The following TFAP2D variants were observed in gnomAD, a reference collection of about 807,000 sequenced individuals.
The protein encoded by TFAP2D is transcription factor AP-2 delta, also known as transcription factor AP-2-delta.
A neutral mutation model predicts 43.6 loss-of-function variants in TFAP2D; 9 were observed. The observed-to-expected ratio is 0.21, with a 90% confidence interval of 0.12 to 0.36. TFAP2D has a LOEUF of 0.36. Ranked by LOEUF, TFAP2D falls within the 10% of genes least tolerant of loss-of-function variation. TFAP2D has a pLI of 1.00. For synonymous variants in TFAP2D, 256 were observed against 224.9 expected, an observed-to-expected ratio of 1.14 and a Z score of -1.24; for missense variants, 513 against 561.4, an observed-to-expected ratio of 0.91 and a Z score of 0.87.
intron 7 of TFAP2D, among the ~76,000 whole-genome samples, chr6:50,761,328 T>A (rs1769360775): frequency 1.3e-5 from 2 of 151,908 alleles, no homozygotes; most frequent in Admixed American, 6.6e-5. Flanking sequence ...ATTGCTTAAA[T>A]GATGATGGCA....
chr6:50,727,081 T>C (rs897067340), intron 3 of TFAP2D, among the ~76,000 whole-genome samples: 1 of 152,314 alleles, frequency 6.6e-6, no homozygotes, highest in African/African-American at 2.4e-5. Flanking sequence ...ACCTAACTTC[T>C]AGCCTGAAGA....
At chr6:50,761,008 G>C (rs1443292502) in intron 7 of TFAP2D, among the ~76,000 whole-genome samples, 1 of 150,720 alleles carries the variant, frequency 6.6e-6, no homozygotes, top group Non-Finnish European at 1.5e-5. Flanking sequence ...CTAAGCCTGT[G>C]GTAACTGAAT....
At chr6:50,752,877 G>A (rs180828030) in intron 7 of TFAP2D, among the ~76,000 whole-genome samples, 9 of 151,784 alleles carry the variant, frequency 5.9e-5, no homozygotes, top group Admixed American at 4.6e-4. Flanking sequence ...GGGTTGTTTG[G>A]GGTAACTTAC....
intron 3 of TFAP2D, among the ~76,000 whole-genome samples, chr6:50,719,614 G>A (rs1185170782): frequency 1.3e-5 from 2 of 152,352 alleles, no homozygotes; most frequent in South Asian, 2.1e-4. Flanking sequence ...AGATGATGGT[G>A]TTAGCTTCAG....
At chr6:50,757,711 A>T (rs1284612279) in intron 7 of TFAP2D, among the ~76,000 whole-genome samples, 1 of 87,396 alleles carries the variant, frequency 1.1e-5, no homozygotes, top group Non-Finnish European at 2.0e-5. Context: ...CTATATATAT[A>T]GAATATATAT....
intron 7 of TFAP2D, among the ~76,000 whole-genome samples, chr6:50,770,454 C>T (rs1029419274): frequency 6.6e-6 from 1 of 151,808 alleles, no homozygotes; most frequent in African/African-American, 2.4e-5. Context: ...ATGATGGAGG[C>T]TCAGGGAAGA....
At chr6:50,751,165 G>T in intron 6 of TFAP2D, 46 bp from the exon 7 acceptor site, 2 of 1,321,544 alleles carry the variant, frequency 1.5e-6, no homozygotes, top group Non-Finnish European at 2.2e-6. Context: ...TGAAATTAAA[G>T]CTCAATTTGA....
At chr6:50,755,350 C>G (rs193206411) in intron 7 of TFAP2D, among the ~76,000 whole-genome samples, 1 of 151,108 alleles carries the variant, frequency 6.6e-6, no homozygotes, top group African/African-American at 2.4e-5. Context: ...CAGCTTGTTG[C>G]TTAGCCTTGA....
Position 50,769,082 on chromosome 6 carries a change from A to G in TFAP2D, c.1140-3563A>G, listed in dbSNP as rs550572198. On this transcript the variant is annotated intron_variant, in intron 7 of 7. Coordinates refer to ENST00000008391, the MANE Select transcript of TFAP2D (RefSeq NM_172238.4). ...AATTTTTTTTTTGTATTTTTAGTAGAGACAGGGTTTCACCAGTTGCTCAGG... is the reference window on the plus strand; with the variant it reads ...AATTTTTTTTTTGTATTTTTAGTAGGGACAGGGTTTCACCAGTTGCTCAGG... Among the ~76,000 whole-genome samples, 144 of 151,892 alleles carry G rather than the reference A, an allele frequency of 9.5e-4. 1 individual carries two copies. The highest frequency in any genetic ancestry group is 1.3e-3 in the Non-Finnish European group (85 of 67,930).
chr6:50,770,742 C>T (rs184564800), intron 7 of TFAP2D, among the ~76,000 whole-genome samples: 8 of 152,076 alleles, frequency 5.3e-5, no homozygotes, highest in Non-Finnish European at 1.2e-4. Flanking sequence ...GATTATGTAA[C>T]TTAAGAAAGA....
In TFAP2D at chr6:50,751,861, T is replaced by C. The variant is rs183248895; in HGVS notation, c.1139+537T>C. ...ATCAAATTGAGAGAATAACAATGCA[T>C]GAAGCATTTTAGATTGGAAAATTTT... On this transcript the variant is annotated intron_variant, in intron 7 of 7. Transcript: ENST00000008391. Among the ~76,000 whole-genome samples the C allele has an allele frequency of 1.6e-3, 239 of 152,090 alleles. 2 individuals carry two copies. Among genetic ancestry groups the C allele is most frequent in the African/African-American group, 5.4e-3 (225 of 41,546 alleles).
chr6:50,750,455 A>T (rs147095257), intron 6 of TFAP2D, among the ~76,000 whole-genome samples: 32 of 152,116 alleles, frequency 2.1e-4, no homozygotes, highest in African/African-American at 7.7e-4. Context: ...ATACAAAAAC[A>T]AAAACAATAT....
In TFAP2D at chr6:50,731,449, TACAC is replaced by T. The variant is rs35052459; in HGVS notation, c.883+2159_883+2162del. 1.0e-3 allele frequency among the ~76,000 whole-genome samples: 150 copies of T among 149,302 alleles called. 1 individual carries two copies. The highest frequency in any genetic ancestry group is 1.4e-3 in the Non-Finnish European group (97 of 67,076). ...AGTAAGACCCTCAAACCCACTTTCATACACACACACACACACACACACACATTGA... is the reference window on the plus strand; with the variant it reads ...AGTAAGACCCTCAAACCCACTTTCATACACACACACACACACACACATTGA... On this transcript the variant is annotated intron_variant, in intron 5 of 7. Transcript: ENST00000008391.
intron 7 of TFAP2D, 132 bp downstream of exon 7, chr6:50,751,456 A>C: frequency 1.6e-6 from 1 of 611,002 alleles, no homozygotes; most frequent in South Asian, 2.1e-5. Flanking sequence ...ATGGGCTATA[A>C]CAAAATACCT....
At chr6:50,736,198 T>C (rs753178175) in intron 5 of TFAP2D, among the ~76,000 whole-genome samples, 13 of 152,186 alleles carry the variant, frequency 8.5e-5, no homozygotes, top group Non-Finnish European at 1.9e-4. Context: ...TAAAAGTATA[T>C]TTGATATGAA....
intron 5 of TFAP2D, 138 bp from the exon 6 acceptor site, chr6:50,744,969 C>CT (rs1769105099): frequency 4.6e-6 from 5 of 1,097,964 alleles, no homozygotes; most frequent in Non-Finnish European, 6.3e-6. Flanking sequence ...CCAAAAAGGT[C>CT]TTTTTTCTTG....
chr6:50,733,383 G>T (rs976237935), intron 5 of TFAP2D, among the ~76,000 whole-genome samples: 4 of 151,828 alleles, frequency 2.6e-5, no homozygotes, highest in African/African-American at 7.3e-5. Flanking sequence ...TAATTACATT[G>T]CTCTCATCCA....
At chr6:50,716,704 A>G (rs1021247053) in intron 2 of TFAP2D, among the ~76,000 whole-genome samples, 1 of 152,232 alleles carries the variant, frequency 6.6e-6, no homozygotes, top group Non-Finnish European at 1.5e-5. Flanking sequence ...AGCTCCTTTT[A>G]GCTAAAAGTG....
At chr6:50,756,848 C>T (rs527559141) in intron 7 of TFAP2D, among the ~76,000 whole-genome samples, 9 of 151,980 alleles carry the variant, frequency 5.9e-5, no homozygotes, top group East Asian at 1.9e-4. Flanking sequence ...TGGGGTTTCA[C>T]GGTCAGAGTA....
Sources: allele counts gnomAD v4.1 joint callset (sites outside exome capture counted in the v4.1 genomes callset), GRCh38; gene constraint gnomAD v4.1.1; transcripts MANE v1.5; gene names NCBI Gene and HGNC (gene_info 2026-07-23, HGNC 2026-07-21).